MAP1B: variants seen among roughly 807,000 people sequenced by gnomAD.
The protein encoded by MAP1B is microtubule associated protein 1B, also known as microtubule-associated protein 1B.
Under a neutral mutation model 176.1 loss-of-function variants are expected in MAP1B, and 12 were observed. The observed-to-expected ratio is 0.07, with a 90% CI of 0.04 to 0.11. The LOEUF is 0.11. Ranked by LOEUF, MAP1B falls within the 10% of genes least tolerant of loss-of-function variation. MAP1B has a pLI of 1.00. For missense variants in MAP1B, 2,523 were observed against 2,990.5 expected, an observed-to-expected ratio of 0.84 and a Z score of 3.65; for synonymous variants, 1,044 against 1,135.0, an observed-to-expected ratio of 0.92 and a Z score of 1.61.
chr5:72,203,731 C>G lies in MAP1B; in HGVS notation c.7181C>G (p.Ala2394Gly), dbSNP rs2111901101. ...YYVVSGNDPA[A>G]EEPSRAVLDA... ...GTGGTGAGTGGGAATGACCCTGCTG[C>G]TGAGGAGCCCAGCCGGGCTGTCCTG... Residue 2394 changes from alanine to glycine, a missense_variant, in exon 6 of 7, where the codon GCT becomes GGT. Physicochemically the swap from Ala to Gly is moderately conservative, Grantham distance 60. Around this residue, in one of 4 missense-constraint regions of MAP1B, gnomAD observed 287 missense variants for 401.5 expected, o/e 0.71. Coordinates refer to ENST00000296755, the MANE Select transcript of MAP1B (RefSeq NM_005909.5). 2 of 1,613,834 alleles carry G rather than the reference C, an allele frequency of 1.2e-6. No individual in the cohort carries two copies. The highest frequency in any genetic ancestry group is 4.5e-5 in the East Asian group (2 of 44,872).
chr5:72,198,350 G>T lies in MAP1B; in HGVS notation c.4995G>T (p.Gln1665His), dbSNP rs763594757. The change falls in exon 5 of 7, where the codon CAG becomes CAT. Residue 1665 changes from glutamine (Q) to histidine (H), a missense_variant. Coordinates refer to ENST00000296755, the MANE Select transcript of MAP1B (RefSeq NM_005909.5). The stretch of plus-strand genomic sequence containing the variant: ...CCCTTGCTATGGACTTCAGTCGACA[G>T]TCTCCAGATCACCCTACAGTGGGTG... ...EQSLAMDFSR[Q>H]SPDHPTVGAG... 6.8e-6 allele frequency: 11 copies of T among 1,614,070 alleles called. No individual in the cohort carries two copies. Among genetic ancestry groups the T allele is most frequent in the Non-Finnish European group, 9.3e-6 (11 of 1,180,044 alleles).
rs1425901907 is a variant in MAP1B at position 72,183,643 on chromosome 5, C to T, written c.287-100C>T. 1.6e-5 allele frequency: 13 copies of T among 792,814 alleles called. No homozygotes were observed. In the East Asian group the frequency reaches 2.0e-4, roughly 12 times the overall value. 49.1% of individuals were successfully genotyped at this position (792,814 alleles called of 1,614,324 possible). ...AGAATTTCAGTGCTGTGTACCACGT[C>T]GGAGGCAGAAATTCCTCTGCTGTCC... On this transcript the variant is annotated intron_variant, in intron 2 of 6. Coordinates refer to ENST00000296755, the MANE Select transcript of MAP1B (RefSeq NM_005909.5).
intron 2 of MAP1B, among the ~76,000 whole-genome samples, chr5:72,121,639 G>A (rs1384157500): frequency 2.0e-5 from 3 of 152,196 alleles, no homozygotes; most frequent in African/African-American, 7.2e-5. Flanking sequence ...TGAGGCACGG[G>A]TTACAACTAA....
At chr5:72,122,702 C>T (rs2112130184) in intron 2 of MAP1B, among the ~76,000 whole-genome samples, 1 of 150,324 alleles carries the variant, frequency 6.7e-6, no homozygotes, top group East Asian at 1.9e-4. Context: ...TAATGGCTCT[C>T]ACGCAGTTCC....
In MAP1B at chr5:72,205,071, T is replaced by C. The variant is rs1747416619; in HGVS notation, c.7252-13T>C. On this transcript the variant is annotated splice_polypyrimidine_tract_variant and intron_variant, in intron 6 of 6. Transcript: ENST00000296755. ...TGCCCTTAAATAGCTATTTTTTTTT[T>C]CTCTCCCTGCAGGTGACACTGATCC... 6.3e-7 allele frequency: 1 copy of C among 1,584,338 alleles called. No individual in the cohort carries two copies. The highest frequency in any genetic ancestry group is 8.5e-7 in the Non-Finnish European group (1 of 1,170,478).
intron 2 of MAP1B, among the ~76,000 whole-genome samples, chr5:72,132,412 G>A (rs575048272): frequency 6.6e-6 from 1 of 152,190 alleles, no homozygotes; most frequent in South Asian, 2.1e-4. Flanking sequence ...TCAGCCTTAA[G>A]AATATGTATA....
intron 6 of MAP1B, 23 bp from the exon 7 acceptor site, chr5:72,205,061 A>ATTT: frequency 1.4e-6 from 2 of 1,445,290 alleles, no homozygotes; most frequent in South Asian, 1.3e-5. Context: ...TTAAATAGCT[A>ATTT]TTTTTTTTTT....
At chr5:72,185,505 G>A (rs1399171804) in intron 3 of MAP1B, among the ~76,000 whole-genome samples, 1 of 151,952 alleles carries the variant, frequency 6.6e-6, no homozygotes, top group Non-Finnish European at 1.5e-5. Context: ...TGAGATGGAG[G>A]ATTGTTTGAA....
chr5:72,152,278 C>T (rs548420937), intron 2 of MAP1B, among the ~76,000 whole-genome samples: 1 of 152,172 alleles, frequency 6.6e-6, no homozygotes, highest in East Asian at 1.9e-4. Context: ...CACAGTGAAG[C>T]AATTGGCCTC....
At chr5:72,117,545 C>T (rs1745456930) in intron 2 of MAP1B, among the ~76,000 whole-genome samples, 1 of 152,212 alleles carries the variant, frequency 6.6e-6, no homozygotes, top group Non-Finnish European at 1.5e-5. Context: ...CATTTCTAGA[C>T]CCAAGACCTA....
At position 72,199,709 on chromosome 5, in the gene MAP1B, A is replaced by C; in HGVS notation, c.6354A>C (p.Glu2118Asp). 2 of 1,614,174 alleles carry C rather than the reference A, an allele frequency of 1.2e-6. No homozygotes were observed. Among genetic ancestry groups the C allele is most frequent in the Non-Finnish European group, 1.7e-6 (2 of 1,180,022 alleles). ...EWFASEEPTE[E>D]SEKPLTQSGG... The stretch of plus-strand genomic sequence containing the variant: ...TTGCCAGTGAAGAACCCACTGAAGA[A>C]TCTGAAAAGCCCCTCACTCAATCAG... Residue 2118 changes from glutamate (E) to aspartate (D), a missense_variant, in exon 5 of 7, where the codon GAA becomes GAC. Coordinates refer to ENST00000296755, the MANE Select transcript of MAP1B (RefSeq NM_005909.5). This position sits in a 1 kb window ranked among gnomAD's most constrained non-coding sequence, Gnocchi z 4.2.
chr5:72,165,320 C>G (rs931925281), intron 2 of MAP1B, among the ~76,000 whole-genome samples: 1 of 152,180 alleles, frequency 6.6e-6, no homozygotes. Flanking sequence ...CAGGACCTGG[C>G]ATATAGGAAG....
chr5:72,179,508 C>T, intron 2 of MAP1B: 2 of 516,136 alleles, frequency 3.9e-6, no homozygotes, highest in Non-Finnish European at 2.5e-6. Context: ...CCCAAATATG[C>T]AACTTTGTGA....
chr5:72,158,046 C>T (rs1407598189), intron 2 of MAP1B, among the ~76,000 whole-genome samples: 2 of 142,744 alleles, frequency 1.4e-5, no homozygotes, highest in Admixed American at 7.3e-5. Context: ...GTCTCGCGTT[C>T]GCCCAGGCTG....
intron 1 of MAP1B, among the ~76,000 whole-genome samples, chr5:72,111,912 G>A (rs761128209): frequency 3.3e-5 from 5 of 151,408 alleles, no homozygotes; most frequent in East Asian, 1.9e-4. Flanking sequence ...AGATATTATC[G>A]TCATTACATA....
chr5:72,122,519 G>A (rs1223792039), intron 2 of MAP1B, among the ~76,000 whole-genome samples: 1 of 152,066 alleles, frequency 6.6e-6, no homozygotes. Flanking sequence ...TTCCCTTGGT[G>A]CAGGTGTGGC....
rs545598144 is a variant in MAP1B at position 72,144,460 on chromosome 5, C to A, written c.286+28661C>A. On this transcript the variant is annotated intron_variant, in intron 2 of 6. Transcript: ENST00000296755. Reference sequence around the variant, plus strand: ...AGACAGGATGGTGCAGGGATGCGATCATGGCTCACTGCAGCCTTGAACTCC... The same window carrying A: ...AGACAGGATGGTGCAGGGATGCGATAATGGCTCACTGCAGCCTTGAACTCC... Among the ~76,000 whole-genome samples, 6 of 152,258 alleles carry A rather than the reference C, an allele frequency of 3.9e-5. No homozygotes were observed. In the South Asian group the frequency reaches 1.2e-3, roughly 32 times the overall value.
chr5:72,113,946 T>A (rs1386922438), intron 1 of MAP1B, among the ~76,000 whole-genome samples: 1 of 152,246 alleles, frequency 6.6e-6, no homozygotes, highest in Non-Finnish European at 1.5e-5. Flanking sequence ...CATGCCTTTC[T>A]TGTTAAAATT....
intron 2 of MAP1B, among the ~76,000 whole-genome samples, chr5:72,125,707 AAAT>A (rs1285648352): frequency 1.4e-5 from 2 of 138,488 alleles, no homozygotes; most frequent in Non-Finnish European, 3.2e-5. Context: ...AAAAGCATTA[AAAT>A]AATATTATCC....
Sources: allele counts gnomAD v4.1 joint callset (sites outside exome capture counted in the v4.1 genomes callset), GRCh38; gene constraint gnomAD v4.1.1; regional missense constraint gnomAD v4.1.1; non-coding constraint Gnocchi (gnomAD v3.1); transcripts MANE v1.5; gene names NCBI Gene and HGNC (gene_info 2026-07-23, HGNC 2026-07-21).